SLC25A33: variants seen among roughly 807,000 people sequenced by gnomAD.
SLC25A33 encodes the protein solute carrier family 25 member 33, also known as bone marrow stromal cell mitochondrial carrier protein.
A neutral mutation model predicts 35.5 loss-of-function variants in SLC25A33; 15 were observed. The ratio of observed to expected loss-of-function variants is 0.42; its 90% confidence interval spans 0.28 to 0.65. The LOEUF is 0.65. Ranked by LOEUF, SLC25A33 falls within the 30% of genes least tolerant of loss-of-function variation. The pLI is 0.20. For synonymous variants in SLC25A33, 136 were observed against 148.7 expected, an observed-to-expected ratio of 0.91 and a Z score of 0.62; for missense variants, 257 against 398.5, an observed-to-expected ratio of 0.64 and a Z score of 3.02.
rs1331911449 is a variant in SLC25A33 at position 9,580,179 on chromosome 1, T to A, written c.708T>A (p.Leu236=). The A allele has an allele frequency of 1.9e-6, 3 of 1,609,590 alleles. No homozygotes were observed. Among genetic ancestry groups the A allele is most frequent in the African/African-American group, 2.7e-5 (2 of 74,496 alleles). ...AAAATTCCACAAGTTTTTTTGGACTTATGGCAGCTGCTGCTCTTTCTAAGG... is the reference window on the plus strand; with the variant it reads ...AAAATTCCACAAGTTTTTTTGGACTAATGGCAGCTGCTGCTCTTTCTAAGG... The part of the protein sequence containing the change: ...TEKNSTSFFG[L]MAAAALSKGC... The change falls in exon 6 of 7, where the codon CTT becomes CTA. Residue 236 remains leucine, a synonymous_variant. Transcript: ENST00000302692.
At chr1:9,549,936 A>G (rs1164552727) in intron 1 of SLC25A33, among the ~76,000 whole-genome samples, 1 of 135,146 alleles carries the variant, frequency 7.4e-6, no homozygotes, top group Non-Finnish European at 1.6e-5. Context: ...ATATATATAT[A>G]TTTCTATATA....
At chr1:9,548,309 C>T (rs1473871556) in intron 1 of SLC25A33, among the ~76,000 whole-genome samples, 11 of 152,110 alleles carry the variant, frequency 7.2e-5, no homozygotes, top group Admixed American at 2.6e-4. Flanking sequence ...GGGCTGGGCG[C>T]GGTGGCTCAC....
intron 5 of SLC25A33, among the ~76,000 whole-genome samples, chr1:9,574,019 TCTTA>T (rs984558330): frequency 2.1e-4 from 32 of 152,068 alleles, no homozygotes; most frequent in Admixed American, 1.9e-3. Context: ...TGAGATAGGG[TCTTA>T]CTTGTTGCCG....
At chr1:9,544,599 A>C (rs1277331307) in intron 1 of SLC25A33, among the ~76,000 whole-genome samples, 3 of 152,000 alleles carry the variant, frequency 2.0e-5, no homozygotes, top group Admixed American at 2.0e-4. Context: ...ACTTTCCAAG[A>C]ATTTACAGTG....
At chr1:9,571,136 T>G (rs1643584208) in intron 4 of SLC25A33, among the ~76,000 whole-genome samples, 1 of 152,148 alleles carries the variant, frequency 6.6e-6, no homozygotes, top group South Asian at 2.1e-4. Flanking sequence ...GTGTAGGGCT[T>G]GCAGTAGAGT....
chr1:9,581,678 A>C (rs868048274), intron 6 of SLC25A33, among the ~76,000 whole-genome samples: 1 of 151,862 alleles, frequency 6.6e-6, no homozygotes, highest in Non-Finnish European at 1.5e-5. Flanking sequence ...GCAGTGAGCC[A>C]AGATCGTACC....
chr1:9,562,706 T>A (rs968771274), intron 2 of SLC25A33, among the ~76,000 whole-genome samples: 5 of 151,254 alleles, frequency 3.3e-5, no homozygotes, highest in African/African-American at 7.3e-5. Context: ...AATACAAAAT[T>A]AGCTGGGCGT....
chr1:9,553,919 T>A, intron 2 of SLC25A33, 114 bp downstream of exon 2: 1 of 1,189,108 alleles, frequency 8.4e-7, no homozygotes. Flanking sequence ...GCCTTGGTCC[T>A]AACTTAAGAA....
chr1:9,574,614 A>G (rs1323892916), intron 5 of SLC25A33, among the ~76,000 whole-genome samples: 2 of 152,212 alleles, frequency 1.3e-5, no homozygotes, highest in Non-Finnish European at 2.9e-5. Context: ...CTGTGTATTT[A>G]CATTCGTAAT....
intron 5 of SLC25A33, chr1:9,576,458 T>G (rs878934727): frequency 2.4e-6 from 1 of 413,406 alleles, no homozygotes; most frequent in South Asian, 1.8e-5. Context: ...CAGACTGTTG[T>G]CATTCCAGAA....
chr1:9,549,360 G>T (rs1329801351), intron 1 of SLC25A33, among the ~76,000 whole-genome samples: 1 of 140,584 alleles, frequency 7.1e-6, no homozygotes, highest in Non-Finnish European at 1.5e-5. Context: ...GGGATCAATG[G>T]GGGGGATGAA....
chr1:9,539,771 C>A, intron 1 of SLC25A33, 24 bp downstream of exon 1: 1 of 1,352,404 alleles, frequency 7.4e-7, no homozygotes, highest in Non-Finnish European at 9.5e-7. Flanking sequence ...CCCAGCCGCG[C>A]GCGCCCCACC....
intron 1 of SLC25A33, among the ~76,000 whole-genome samples, chr1:9,543,131 T>TTTTATTTA (rs57265571): frequency 7.3e-5 from 11 of 151,290 alleles, no homozygotes; most frequent in Middle Eastern, 3.4e-3. Context: ...GAAAAAGTAT[T>TTTTATTTA]TTTATTTATT....
intron 6 of SLC25A33, among the ~76,000 whole-genome samples, chr1:9,580,567 C>A (rs1643727896): frequency 6.6e-6 from 1 of 152,164 alleles, no homozygotes; most frequent in African/African-American, 2.4e-5. Context: ...GCCAAACTTA[C>A]TCAGCCTCGG....
At chr1:9,575,986 C>A (rs751179890) in intron 5 of SLC25A33, among the ~76,000 whole-genome samples, 1 of 152,174 alleles carries the variant, frequency 6.6e-6, no homozygotes, top group African/African-American at 2.4e-5. Flanking sequence ...GTTGTGGAAG[C>A]CTTTGGTAAT....
chr1:9,563,068 A>G (rs909607431), intron 2 of SLC25A33, among the ~76,000 whole-genome samples: 2 of 151,430 alleles, frequency 1.3e-5, no homozygotes, highest in African/African-American at 4.8e-5. Context: ...ACAGGCGCCC[A>G]CTACCACGCC....
intron 2 of SLC25A33, among the ~76,000 whole-genome samples, chr1:9,565,905 TGAA>T (rs987342223): frequency 2.7e-5 from 4 of 150,532 alleles, no homozygotes; most frequent in African/African-American, 9.8e-5. Flanking sequence ...GAAAAGAAAA[TGAA>T]AAACGAAAAG....
intron 5 of SLC25A33, chr1:9,576,617 C>A (rs1273828753): frequency 5.1e-6 from 3 of 586,148 alleles, no homozygotes. Flanking sequence ...GAACTGGCTA[C>A]CGTTCGAACT....
intron 2 of SLC25A33, among the ~76,000 whole-genome samples, chr1:9,558,999 T>G (rs1331903557): frequency 6.6e-6 from 1 of 152,178 alleles, no homozygotes; most frequent in Admixed American, 6.6e-5. Flanking sequence ...CCCCTTTGCC[T>G]CTCCAGCCTC....
Sources: gnomAD v4.1 joint callset for allele counts (sites outside exome capture counted in the v4.1 genomes callset) on GRCh38, gnomAD v4.1.1 for gene constraint, MANE v1.5 for transcripts, NCBI Gene and HGNC (gene_info 2026-07-23, HGNC 2026-07-21) for gene names.